Variants in CLOCK observed in about 807,000 individuals in gnomAD.
CLOCK encodes the protein clock circadian regulator.
In CLOCK, 43 loss-of-function variants were observed where a neutral mutation model predicts 118.4. The ratio of observed to expected loss-of-function variants is 0.36; its 90% CI spans 0.28 to 0.47. The LOEUF (loss-of-function observed/expected upper bound fraction) is 0.47. Ranked by LOEUF, CLOCK falls within the 20% of genes least tolerant of loss-of-function variation. The pLI is 1.00. For synonymous variants in CLOCK, 326 were observed against 339.2 expected, an observed-to-expected ratio of 0.96 and a Z score of 0.43; for missense variants, 846 against 999.9, an observed-to-expected ratio of 0.85 and a Z score of 2.08.
chr4:55,542,367 A>T (rs796151069), intron 1 of CLOCK, among the ~76,000 whole-genome samples: 920 of 46,552 alleles, frequency 0.02, 5 homozygotes, highest in South Asian at 0.082. Context: ...AATAATAATA[A>T]TAATAATAAT....
At chr4:55,544,649 A>C (rs1731491886) in intron 1 of CLOCK, among the ~76,000 whole-genome samples, 1 of 152,234 alleles carries the variant, frequency 6.6e-6, no homozygotes, top group Non-Finnish European at 1.5e-5. Context: ...ACCATAAATT[A>C]GGCAACAAAA....
intron 21 of CLOCK, among the ~76,000 whole-genome samples, chr4:55,441,576 T>C (rs746032503): frequency 1.2e-4 from 19 of 152,188 alleles, no homozygotes; most frequent in Non-Finnish European, 2.6e-4. Flanking sequence ...TAATGCATTT[T>C]GCAGCAACTT....
intron 1 of CLOCK, among the ~76,000 whole-genome samples, chr4:55,510,630 A>T (rs1851350): frequency 0.11 from 2,721 of 23,976 alleles, 24 homozygotes; most frequent in South Asian, 0.19. Context: ...CTGTCTTTTT[A>T]AAAAAAAAAA....
rs772747453 is a variant in CLOCK, at chr4:55,443,783, A to G, written c.1806T>C (p.Val602=). 1 of 1,614,096 alleles carries G rather than the reference A, an allele frequency of 6.2e-7. No homozygotes were observed. The highest frequency in any genetic ancestry group is 8.5e-7 in the Non-Finnish European group (1 of 1,179,970). Residue 602 remains valine (V), a synonymous_variant, in exon 20 of 23, where the codon GTT becomes GTC. Transcript: ENST00000513440. The stretch of plus-strand genomic sequence containing the variant: ...TTCCACTTTGAATCTGGTTAGTAGG[A>G]ACAACTTGGCCTTGCATATTTATAG... ...LAPINMQGQV[V]PTNQIQSGMN...
intron 7 of CLOCK, among the ~76,000 whole-genome samples, chr4:55,472,357 C>G (rs1210543150): frequency 6.6e-6 from 1 of 151,952 alleles, no homozygotes; most frequent in Non-Finnish European, 1.5e-5. Flanking sequence ...AAGAAAAAGG[C>G]AAACAGTTCT....
chr4:55,456,259 A>G lies in CLOCK; in HGVS notation c.834T>C (p.Ser278=), dbSNP rs774270911. 6.2e-7 allele frequency: 1 copy of G among 1,604,534 alleles called. No individual in the cohort carries two copies. The highest frequency in any genetic ancestry group is 8.5e-7 in the Non-Finnish European group (1 of 1,172,868). ...TVEEPNEEFT[S]RHSLEWKFLF... is the part of the protein sequence containing the mutation. The stretch of plus-strand genomic sequence containing the variant: ...GAAACTTCCATTCTAAACTATGTCT[A>G]GATGTAAACTCTTCATTGGGTTCTT... Residue 278 remains serine, a synonymous_variant, in exon 12 of 23, where the codon TCT becomes TCC. Coordinates refer to ENST00000513440, the MANE Select transcript of CLOCK (RefSeq NM_004898.4).
intron 4 of CLOCK, among the ~76,000 whole-genome samples, chr4:55,482,515 C>A (rs1727000297): frequency 6.6e-6 from 1 of 152,140 alleles, no homozygotes; most frequent in Non-Finnish European, 1.5e-5. Flanking sequence ...CAAGTCAGGA[C>A]TCATTTAAAA....
chr4:55,445,582 C>CTTTTTTTTTTTTTTTTTTTTTTTTTTTTT lies in CLOCK; in HGVS notation c.1540-798_1540-797insAAAAAAAAAAAAAAAAAAAAAAAAAAAAA, dbSNP rs56157186. Among the ~76,000 whole-genome samples the CTTTTTTTTTTTTTTTTTTTTTTTTTTTTT allele has an allele frequency of 4.2e-4, 29 of 68,592 alleles. 3 individuals are homozygous for CTTTTTTTTTTTTTTTTTTTTTTTTTTTTT. Among genetic ancestry groups the CTTTTTTTTTTTTTTTTTTTTTTTTTTTTT allele is most frequent in the East Asian group, 9.9e-4 (2 of 2,022 alleles). 45.0% of individuals were successfully genotyped at this position (68,592 alleles called of 152,430 possible). A position where few individuals can be genotyped will look rare whatever the true frequency, so the allele number is the denominator to read the frequency against. On this transcript the variant is annotated intron_variant, in intron 18 of 22. Coordinates refer to ENST00000513440, the MANE Select transcript of CLOCK (RefSeq NM_004898.4). ...TCTCTGCATCTGCTATTTCTATATT[C>CTTTTTTTTTTTTTTTTTTTTTTTTTTTTT]TTTTTTTTTTTTTTTTTTTTTTTTT... is the stretch of plus-strand genomic sequence containing the variant.
At chr4:55,442,781 A>ATTCC (rs1723480253) in intron 20 of CLOCK, 147 bp from the exon 21 acceptor site, 1 of 748,964 alleles carries the variant, frequency 1.3e-6, no homozygotes, top group Non-Finnish European at 2.3e-6. Flanking sequence ...ATAACCACAA[A>ATTCC]GGAATGACTC....
At chr4:55,454,627 A>C (rs1274371195) in intron 13 of CLOCK, among the ~76,000 whole-genome samples, 6 of 141,594 alleles carry the variant, frequency 4.2e-5, no homozygotes, top group Non-Finnish European at 9.9e-5. Flanking sequence ...AAAAAAAAAA[A>C]AAAAAAAAAA....
intron 18 of CLOCK, among the ~76,000 whole-genome samples, 169 bp downstream of exon 18, chr4:55,448,610 G>C (rs1347716656): frequency 1.7e-5 from 1 of 58,496 alleles, no homozygotes; most frequent in Non-Finnish European, 3.0e-5. Flanking sequence ...GCGTGTGTGT[G>C]TGTGTGTGTG....
intron 1 of CLOCK, among the ~76,000 whole-genome samples, chr4:55,522,538 T>C (rs1729911844): frequency 6.6e-6 from 1 of 150,544 alleles, no homozygotes; most frequent in African/African-American, 2.4e-5. Flanking sequence ...CGAATAAACA[T>C]AAGAAAACAT....
At chr4:55,436,610 A>AAC (rs1321629597) in intron 22 of CLOCK, among the ~76,000 whole-genome samples, 1 of 152,324 alleles carries the variant, frequency 6.6e-6, no homozygotes, top group East Asian at 1.9e-4. Context: ...AACATGCACA[A>AAC]ACACACACAC....
intron 3 of CLOCK, chr4:55,486,687 C>T (rs1462312371): frequency 6.6e-6 from 1 of 152,180 alleles, no homozygotes; most frequent in Non-Finnish European, 1.5e-5. Flanking sequence ...ATGCTGAAGA[C>T]TCCACTATCT....
chr4:55,445,053 A>G (rs982718982), intron 18 of CLOCK, among the ~76,000 whole-genome samples: 7 of 136,430 alleles, frequency 5.1e-5, no homozygotes, highest in Non-Finnish European at 1.1e-4. Context: ...AAAGTGCTCA[A>G]CTCCTGGTTC....
At chr4:55,482,485 G>T (rs1577769126) in intron 4 of CLOCK, among the ~76,000 whole-genome samples, 1 of 152,282 alleles carries the variant, frequency 6.6e-6, no homozygotes, top group African/African-American at 2.4e-5. Context: ...GAGCAGCTAT[G>T]ACCAAATCAC....
At chr4:55,544,547 T>C (rs895749160) in intron 1 of CLOCK, among the ~76,000 whole-genome samples, 3 of 152,178 alleles carry the variant, frequency 2.0e-5, no homozygotes, top group African/African-American at 7.2e-5. Context: ...AAAATTAAAG[T>C]GTAAATAGTC....
At position 55,478,876 on chromosome 4, in the gene CLOCK, A is replaced by G; in HGVS notation, c.195T>C (p.Ala65=). 1.2e-6 allele frequency: 2 copies of G among 1,612,562 alleles called. No homozygotes were observed. Among genetic ancestry groups the G allele is most frequent in the Non-Finnish European group, 1.7e-6 (2 of 1,179,050 alleles). Residue 65 remains alanine, a synonymous_variant, in exon 6 of 23, where the codon GCT becomes GCC. Coordinates refer to ENST00000513440, the MANE Select transcript of CLOCK (RefSeq NM_004898.4). The part of the protein sequence containing the change: ...KELGSMLPGN[A]RKMDKSTVLQ... The stretch of plus-strand genomic sequence containing the variant: ...GAACAGTAGATTTGTCCATCTTTCT[A>G]GCATTACCAGGAAGCATGGATCCCA...
At chr4:55,462,886 T>C (rs536751204) in intron 9 of CLOCK, among the ~76,000 whole-genome samples, 3 of 151,844 alleles carry the variant, frequency 2.0e-5, no homozygotes, top group Non-Finnish European at 2.9e-5. Flanking sequence ...TTTTAGACAG[T>C]ATGCTATAGA....
Sources: gnomAD v4.1 joint callset for allele counts (sites outside exome capture counted in the v4.1 genomes callset) on GRCh38, gnomAD v4.1.1 for gene constraint, MANE v1.5 for transcripts, NCBI Gene and HGNC (gene_info 2026-07-23, HGNC 2026-07-21) for gene names.